The following PARD3 variants were observed in gnomAD, a reference collection of about 807,000 sequenced individuals.
PARD3 encodes partitioning defective 3 homolog.
Under a neutral mutation model 155.4 loss-of-function variants are expected in PARD3, and 75 were observed. The observed-to-expected ratio is 0.48, with a 90% confidence interval of 0.40 to 0.58. The LOEUF (loss-of-function observed/expected upper bound fraction) is 0.58, where lower values mean the gene tolerates loss of function less well. Ranked by LOEUF, PARD3 falls within the 20% of genes least tolerant of loss-of-function variation. The pLI, the probability that PARD3 is intolerant of heterozygous loss-of-function variation, is 0.00. For synonymous variants in PARD3, 576 were observed against 610.5 expected (o/e 0.94, Z 0.83); for missense variants, 1,642 against 1,721.7 (o/e 0.95, Z 0.82).
chr10:34,782,944 C>A (rs771900052), intron 1 of PARD3, among the ~76,000 whole-genome samples: 4 of 152,000 alleles, frequency 2.6e-5, no homozygotes, highest in African/African-American at 9.7e-5. Context: ...AGGCTGGTCT[C>A]GAACTCCTGA....
chr10:34,768,353 A>ACAAC (rs1286102074), intron 1 of PARD3, among the ~76,000 whole-genome samples: 1 of 149,424 alleles, frequency 6.7e-6, no homozygotes, highest in East Asian at 1.9e-4. Flanking sequence ...GAAAGGCGGG[A>ACAAC]TAACTCGAAG....
At chr10:34,660,583 G>A (rs770146473) in intron 2 of PARD3, among the ~76,000 whole-genome samples, 1 of 152,028 alleles carries the variant, frequency 6.6e-6, no homozygotes, top group Non-Finnish European at 1.5e-5. Context: ...GAAATGCACA[G>A]CAAAACCGGG....
At chr10:34,378,239 T>G (rs1190561705) in intron 9 of PARD3, 133 bp from the exon 10 acceptor site, 1 of 641,356 alleles carries the variant, frequency 1.6e-6, no homozygotes, top group African/African-American at 1.9e-5. Context: ...TTCTACTACT[T>G]TAAAAGTTGT....
At chr10:34,294,273 A>G (rs547618807) in intron 20 of PARD3, among the ~76,000 whole-genome samples, 3 of 152,334 alleles carry the variant, frequency 2.0e-5, no homozygotes, top group Admixed American at 1.3e-4. Flanking sequence ...TTCAAATTCT[A>G]TGTTTCAACT....
intron 2 of PARD3, among the ~76,000 whole-genome samples, chr10:34,595,556 C>T (rs1432241828): frequency 2.6e-5 from 4 of 152,096 alleles, no homozygotes; most frequent in Non-Finnish European, 5.9e-5. Context: ...CTCTACATGC[C>T]AATTACAGTG....
At chr10:34,355,024 A>C (rs1435878406) in intron 14 of PARD3, among the ~76,000 whole-genome samples, 1 of 152,138 alleles carries the variant, frequency 6.6e-6, no homozygotes, top group Non-Finnish European at 1.5e-5. Flanking sequence ...GAGGGGAAAG[A>C]GGGGAGCGGC....
intron 2 of PARD3, among the ~76,000 whole-genome samples, chr10:34,665,871 A>C (rs1334474299): frequency 6.6e-6 from 1 of 150,532 alleles, no homozygotes; most frequent in African/African-American, 2.5e-5. Context: ...AGAACAGAAC[A>C]GAACAGAACA....
At chr10:34,177,600 G>T (rs540652378) in intron 22 of PARD3, among the ~76,000 whole-genome samples, 1 of 152,258 alleles carries the variant, frequency 6.6e-6, no homozygotes, top group East Asian at 1.9e-4. Flanking sequence ...ACCTTTCCTT[G>T]ATATCCACTT....
rs532872315 is a variant in PARD3 at position 34,439,893 on chromosome 10, T to C, written c.714+10424A>G. ...AGCTATTTAAAAAGATAATCCACAA[T>C]CTCCTACCGCCATTAGAGCACAGGA... On this transcript the variant is annotated intron_variant, in intron 5 of 24. Coordinates refer to ENST00000374788, the MANE Select transcript of PARD3 (RefSeq NM_001184785.2). Among the ~76,000 whole-genome samples, 23 of 151,740 alleles carry C rather than the reference T, an allele frequency of 1.5e-4. No homozygotes were observed. The South Asian group carries it at 4.8e-3, about 32-fold the overall frequency.
intron 3 of PARD3, among the ~76,000 whole-genome samples, chr10:34,503,288 T>C (rs530501318): frequency 6.6e-6 from 1 of 152,176 alleles, no homozygotes; most frequent in Non-Finnish European, 1.5e-5. Flanking sequence ...TGGCTCAAAA[T>C]GACATTTTAA....
intron 1 of PARD3, among the ~76,000 whole-genome samples, chr10:34,700,377 T>G (rs569963232): frequency 1.3e-5 from 2 of 152,330 alleles, no homozygotes; most frequent in South Asian, 4.1e-4. Context: ...CAGGATGTGG[T>G]AAGAGAAAAC....
chr10:34,319,656 G>A (rs1958256407), intron 19 of PARD3, among the ~76,000 whole-genome samples: 1 of 152,138 alleles, frequency 6.6e-6, no homozygotes, highest in Non-Finnish European at 1.5e-5. Flanking sequence ...GAATATCCTG[G>A]CAGTTGGCCC....
In PARD3 at chr10:34,296,669, G is replaced by C. The variant is rs150455491; in HGVS notation, c.3066-12424C>G. Among the ~76,000 whole-genome samples the C allele has an allele frequency of 4.1e-4, 62 of 152,304 alleles. No individual in the cohort carries two copies. In the East Asian group the frequency reaches 0.012, roughly 29 times the overall value. Reference sequence around the variant, plus strand: ...AAACGTCTACCAAAATGCATGATGTGATTATTTCTCAATACAGAGTAACAA... The same window carrying C: ...AAACGTCTACCAAAATGCATGATGTCATTATTTCTCAATACAGAGTAACAA... On this transcript the variant is annotated intron_variant, in intron 20 of 24. Transcript: ENST00000374788.
chr10:34,215,098 C>T (rs1286657770), intron 22 of PARD3, among the ~76,000 whole-genome samples: 1 of 152,172 alleles, frequency 6.6e-6, no homozygotes, highest in Non-Finnish European at 1.5e-5. Flanking sequence ...AAACCTGAAA[C>T]TTTGCCAATA....
intron 12 of PARD3, among the ~76,000 whole-genome samples, chr10:34,366,372 G>T (rs10763983): frequency 0.58 from 87,775 of 152,062 alleles, 26,771 homozygotes; most frequent in African/African-American, 0.79. Context: ...CAGCGTTGTA[G>T]GTTAGGTGTA....
intron 2 of PARD3, among the ~76,000 whole-genome samples, chr10:34,603,625 C>T (rs941273442): frequency 6.6e-6 from 1 of 152,160 alleles, no homozygotes; most frequent in African/African-American, 2.4e-5. Flanking sequence ...CGACTCATTT[C>T]TTTGCCATGA....
intron 22 of PARD3, among the ~76,000 whole-genome samples, chr10:34,243,585 C>T (rs1238148803): frequency 9.2e-5 from 14 of 152,138 alleles, no homozygotes; most frequent in Non-Finnish European, 4.4e-5. Context: ...TGCCTGTAAT[C>T]CCAGCACTTT....
chr10:34,642,651 G>A (rs1178121547), intron 2 of PARD3, among the ~76,000 whole-genome samples: 1 of 151,928 alleles, frequency 6.6e-6, no homozygotes, highest in Admixed American at 6.6e-5. Flanking sequence ...CTTCTCTGTG[G>A]TACCCATGAT....
At chr10:34,545,624 G>A (rs1017781932) in intron 2 of PARD3, among the ~76,000 whole-genome samples, 3 of 152,002 alleles carry the variant, frequency 2.0e-5, no homozygotes, top group African/African-American at 4.8e-5. Context: ...GCACAATCTC[G>A]GCTCACTGCA....
Sources: gnomAD v4.1 joint callset for allele counts (sites outside exome capture counted in the v4.1 genomes callset) on GRCh38, gnomAD v4.1.1 for gene constraint, MANE v1.5 for transcripts, NCBI Gene and HGNC (gene_info 2026-07-23, HGNC 2026-07-21) for gene names.